Variants in P2RX6 observed in about 807,000 individuals in gnomAD.
The protein encoded by P2RX6 is P2X purinoceptor 6.
In P2RX6, 62 loss-of-function variants were observed where a neutral mutation model predicts 54.2. That is an observed-to-expected ratio of 1.14 (90% confidence interval 0.93 to 1.41). The LOEUF (loss-of-function observed/expected upper bound fraction) is 1.41, where lower values mean the gene tolerates loss of function less well. P2RX6 is among the 40% of genes most tolerant of loss of function. The pLI, the probability that P2RX6 is intolerant of heterozygous loss-of-function variation, is 0.00. For synonymous variants in P2RX6, 211 were observed against 231.9 expected (o/e 0.91, Z 0.82); for missense variants, 541 against 566.3 (o/e 0.96, Z 0.45).
chr22:21,015,987 A>G lies in P2RX6; in HGVS notation c.210A>G (p.Glu70=). 2.6e-6 allele frequency: 4 copies of G among 1,550,284 alleles called. No homozygotes were observed. The highest frequency in any genetic ancestry group is 1.2e-5 in the South Asian group (1 of 83,988). The change falls in exon 2 of 12, where the codon GAA becomes GAG. Residue 70 remains glutamate, a synonymous_variant. Transcript: ENST00000413302. ...AAGGCTACCAGGAGCGGGACCTGGA[A>G]CCCCAGTTTTCCATCATCACCAAAC... ...AKKGYQERDL[E]PQFSIITKLK...
intron 8 of P2RX6, 52 bp from the exon 9 acceptor site, chr22:21,025,753 C>T (rs547463021): frequency 5.6e-5 from 79 of 1,420,636 alleles, no homozygotes; most frequent in Non-Finnish European, 7.5e-5. Context: ...AGGGCCAGCC[C>T]CACCTGGGGG....
At position 21,025,132 on chromosome 22, in the gene P2RX6, C is replaced by T. The variant is rs551662570; in HGVS notation, c.891-673C>T. 1.7e-3 allele frequency among the ~76,000 whole-genome samples: 262 copies of T among 152,204 alleles called. 1 individual carries two copies. The highest frequency in any genetic ancestry group is 3.1e-3 in the Non-Finnish European group (212 of 68,000). On this transcript the variant is annotated intron_variant, in intron 8 of 11. Transcript: ENST00000413302. Reference sequence around the variant, plus strand: ...CTGACCTCAGGTGATCCACCTGCCTCAGCCTCCCAAAGTGCTGGGATTACA... The same window carrying T: ...CTGACCTCAGGTGATCCACCTGCCTTAGCCTCCCAAAGTGCTGGGATTACA...
At chr22:21,024,960 A>G (rs1458402190) in intron 8 of P2RX6, among the ~76,000 whole-genome samples, 1 of 143,158 alleles carries the variant, frequency 7.0e-6, no homozygotes, top group Admixed American at 7.5e-5. Context: ...GGCTCACTGC[A>G]ATCTTTGCCT....
Position 21,022,881 on chromosome 22 carries a change from C to T in P2RX6, c.464-61C>T. ...TCTCTTTCTGCCAACAACCCCCTGG[C>T]TGAAGGCCTCCCCAGGCCTGCAGAG... On this transcript the variant is annotated intron_variant, in intron 4 of 11. Coordinates refer to ENST00000413302, the MANE Select transcript of P2RX6 (RefSeq NM_005446.5). 5 of 1,540,320 alleles carry T rather than the reference C, an allele frequency of 3.2e-6. 1 individual carries two copies. The South Asian group carries it at 5.6e-5, about 17-fold the overall frequency.
rs1927640404 is a variant in P2RX6, at chr22:21,022,758, G to C, written c.463+7G>C. Reference sequence around the variant, plus strand: ...GGAGGCACACACAGCCACGGTAACTGTGGGCTCTGTCTTCCAGTGCCCCCA... The same window carrying C: ...GGAGGCACACACAGCCACGGTAACTCTGGGCTCTGTCTTCCAGTGCCCCCA... On this transcript the variant is annotated splice_region_variant and intron_variant, in intron 4 of 11. Coordinates refer to ENST00000413302, the MANE Select transcript of P2RX6 (RefSeq NM_005446.5). 1 of 1,558,626 alleles carries C rather than the reference G, an allele frequency of 6.4e-7. No individual in the cohort carries two copies. Among genetic ancestry groups the C allele is most frequent in the Admixed American group, 1.9e-5 (1 of 51,484 alleles).
At chr22:21,014,710 G>T (rs1158124627), upstream of P2RX6, among the ~76,000 whole-genome samples, 3 of 152,136 alleles carry the variant, frequency 2.0e-5, no homozygotes, top group Non-Finnish European at 4.4e-5. Flanking sequence ...GCATGCTCTG[G>T]TCTTTGCATA....
At chr22:21,021,981 G>A (rs919090716) in intron 3 of P2RX6, among the ~76,000 whole-genome samples, 1 of 152,116 alleles carries the variant, frequency 6.6e-6, no homozygotes, top group Admixed American at 6.5e-5. Flanking sequence ...ACCCTCCCAA[G>A]GTATCTTCAC....
At chr22:21,011,774 T>C (rs1322049782), upstream of P2RX6, among the ~76,000 whole-genome samples, 1 of 151,506 alleles carries the variant, frequency 6.6e-6, no homozygotes, top group African/African-American at 2.4e-5. Context: ...GCCCCTGACC[T>C]CCCCCTCCCT....
At chr22:21,010,958 C>G (rs1190067499), upstream of P2RX6, among the ~76,000 whole-genome samples, 1 of 151,924 alleles carries the variant, frequency 6.6e-6, no homozygotes, top group East Asian at 1.9e-4. Context: ...GACTCCTTCC[C>G]ACCCTGCACA....
At position 21,023,510 on chromosome 22, in the gene P2RX6, G is replaced by A. The variant is rs1459975699; in HGVS notation, c.782G>A (p.Gly261Asp). The A allele has an allele frequency of 6.2e-7, 1 of 1,613,696 alleles. No homozygotes were observed. The highest frequency in any genetic ancestry group is 1.7e-5 in the Admixed American group (1 of 59,978). ...GGAAAAGCTATGTGCTATGTGCAGG[G>A]TGGCTCTGTAGGCATCAGAGTTCAC... ...GGTFEDLALL[G>D]GSVGIRVHWD... Residue 261 changes from glycine to aspartate, a missense_variant and splice_region_variant, in exon 8 of 12, where the codon GGT becomes GAT. Gly to Asp is a moderately conservative substitution (Grantham distance 94). Transcript: ENST00000413302.
chr22:21,025,217 G>A (rs1202229538), intron 8 of P2RX6, among the ~76,000 whole-genome samples: 1 of 152,086 alleles, frequency 6.6e-6, no homozygotes, highest in Non-Finnish European at 1.5e-5. Context: ...TCATGTCTTT[G>A]AGTCTTCTAA....
intron 2 of P2RX6, among the ~76,000 whole-genome samples, chr22:21,017,080 A>G (rs1363947200): frequency 6.6e-6 from 1 of 151,838 alleles, no homozygotes; most frequent in Non-Finnish European, 1.5e-5. Flanking sequence ...CATGCATGAG[A>G]CTATGGCCTC....
intron 3 of P2RX6, 89 bp from the exon 4 acceptor site, chr22:21,022,587 C>G (rs1927597378): frequency 2.0e-6 from 2 of 1,008,312 alleles, no homozygotes; most frequent in Non-Finnish European, 2.8e-6. Flanking sequence ...GCCTGTCCTT[C>G]CCACCTTGAA....
upstream of P2RX6, chr22:21,012,590 C>T (rs2147989363): frequency 3.3e-6 from 2 of 612,590 alleles, no homozygotes; most frequent in South Asian, 3.2e-5. Context: ...CCATAGAGCC[C>T]ACTGTCCCAA....
In P2RX6 at chr22:21,026,484, G is replaced by A. The variant is rs762378108; in HGVS notation, c.1193G>A (p.Arg398Gln). ...GAGCTGGCCCTTGCATCCCAAGCCC[G>A]ACTGGCCGAGTGCCTCAGACGGAGC... Reference protein sequence around the residue: ...WRELALASQARLAECLRRSSA... With the variant: ...WRELALASQAQLAECLRRSSA... Residue 398 changes from arginine to glutamine, a missense_variant, in exon 12 of 12, where the codon CGA (arginine) becomes CAA (glutamine). By Grantham distance (43) the Arg-to-Gln change is conservative. Transcript: ENST00000413302. The surrounding 1 kb of genome is among the most constrained non-coding windows in gnomAD (Gnocchi z 4.0). 33 of 1,600,088 alleles carry A rather than the reference G, an allele frequency of 2.1e-5. No individual in the cohort carries two copies. Among genetic ancestry groups the A allele is most frequent in the Admixed American group, 1.0e-4 (6 of 58,362 alleles).
intron 2 of P2RX6, among the ~76,000 whole-genome samples, chr22:21,016,756 G>A (rs186071956): frequency 2.0e-5 from 3 of 152,178 alleles, no homozygotes; most frequent in Admixed American, 6.5e-5. Flanking sequence ...ACTACGGTCA[G>A]GTGCTGCTCC....
rs1204241233 is a variant in P2RX6, at chr22:21,027,343, T to A, written c.*726T>A. 1 of 152,532 alleles carries A rather than the reference T, an allele frequency of 6.6e-6. No individual in the cohort carries two copies. The highest frequency in any genetic ancestry group is 1.5e-5 in the Non-Finnish European group (1 of 68,384). 9.4% of individuals were successfully genotyped at this position (152,532 alleles called of 1,614,324 possible). On this transcript the variant is annotated 3_prime_UTR_variant, in exon 12 of 12. Coordinates refer to ENST00000413302, the MANE Select transcript of P2RX6 (RefSeq NM_005446.5). ...GAGAGAGAGCAGAGGGCGGCAGGGC[T>A]AAGTTGGTGATCATTGGGTTCTTCA...
intron 8 of P2RX6, among the ~76,000 whole-genome samples, chr22:21,024,746 T>C (rs1229892113): frequency 6.6e-6 from 1 of 151,330 alleles, no homozygotes; most frequent in Non-Finnish European, 1.5e-5. Context: ...AATTTTTGTA[T>C]TTTTAGTAGA....
intron 3 of P2RX6, among the ~76,000 whole-genome samples, chr22:21,020,614 A>C (rs1927208961): frequency 7.1e-6 from 1 of 140,978 alleles, no homozygotes. Context: ...TTTTTGAGAC[A>C]GAGTCTCGCT....
Sources: allele counts gnomAD v4.1 joint callset (sites outside exome capture counted in the v4.1 genomes callset), GRCh38; gene constraint gnomAD v4.1.1; non-coding constraint Gnocchi (gnomAD v3.1); transcripts MANE v1.5; gene names NCBI Gene and HGNC (gene_info 2026-07-23, HGNC 2026-07-21).